Variants in PALLD observed in about 807,000 individuals in gnomAD.
The protein encoded by PALLD is palladin.
Under a neutral mutation model 123.5 loss-of-function variants are expected in PALLD, and 61 were observed. The ratio of observed to expected loss-of-function variants is 0.49; its 90% CI spans 0.40 to 0.61. The LOEUF (loss-of-function observed/expected upper bound fraction) is 0.61. PALLD is among the 20% of genes least tolerant of loss of function. PALLD has a pLI of 0.00. For synonymous variants in PALLD, 465 were observed against 496.4 expected (o/e 0.94, Z 0.84); for missense variants, 1,273 against 1,377.0 (o/e 0.92, Z 1.20).
intron 3 of PALLD, among the ~76,000 whole-genome samples, chr4:168,678,683 GC>G (rs1025589526): frequency 2.6e-5 from 4 of 151,978 alleles, no homozygotes; most frequent in Admixed American, 1.3e-4. Flanking sequence ...CACAGCCCGT[GC>G]CCCTCCCCTG....
At chr4:168,517,644 G>T (rs1763114497) in intron 2 of PALLD, among the ~76,000 whole-genome samples, 1 of 152,116 alleles carries the variant, frequency 6.6e-6, no homozygotes, top group South Asian at 2.1e-4. Context: ...CTTACTAAGG[G>T]TAAGAAAATA....
At chr4:168,623,918 G>A (rs972860819) in intron 2 of PALLD, among the ~76,000 whole-genome samples, 5 of 152,102 alleles carry the variant, frequency 3.3e-5, no homozygotes, top group African/African-American at 1.2e-4. Flanking sequence ...TGATAAATAA[G>A]TCAACATATC....
chr4:168,578,541 G>C (rs1769888222), intron 2 of PALLD, among the ~76,000 whole-genome samples: 2 of 152,044 alleles, frequency 1.3e-5, no homozygotes, highest in South Asian at 4.1e-4. Context: ...TTCCCCAGCT[G>C]TGCTGAATGT....
intron 10 of PALLD, among the ~76,000 whole-genome samples, chr4:168,747,519 A>T (rs1242738539): frequency 6.6e-6 from 1 of 152,250 alleles, no homozygotes; most frequent in Admixed American, 6.5e-5. Flanking sequence ...TATGACAATG[A>T]GACAGTATGT....
intron 2 of PALLD, among the ~76,000 whole-genome samples, chr4:168,556,383 C>T (rs1767309602): frequency 6.6e-6 from 1 of 152,128 alleles, no homozygotes; most frequent in Non-Finnish European, 1.5e-5. Flanking sequence ...GTGTAAGCCA[C>T]GGCGCCCGGC....
At chr4:168,549,568 T>C (rs910936836) in intron 2 of PALLD, among the ~76,000 whole-genome samples, 9 of 152,230 alleles carry the variant, frequency 5.9e-5, no homozygotes, top group African/African-American at 2.2e-4. Context: ...TTGACATTTT[T>C]AACCCAGTAC....
intron 2 of PALLD, among the ~76,000 whole-genome samples, chr4:168,557,352 T>C (rs1307984263): frequency 6.6e-6 from 1 of 152,160 alleles, no homozygotes; most frequent in Non-Finnish European, 1.5e-5. Context: ...CCTCCACTTG[T>C]TCGTTCAATA....
chr4:168,786,154 C>T (rs773877311), intron 10 of PALLD, among the ~76,000 whole-genome samples: 3 of 151,370 alleles, frequency 2.0e-5, no homozygotes, highest in Non-Finnish European at 4.4e-5. Context: ...ATGGTGAAAC[C>T]CCGTCTCTAC....
intron 10 of PALLD, among the ~76,000 whole-genome samples, chr4:168,804,776 A>G (rs6834508): frequency 0.92 from 140,493 of 152,298 alleles, 64,931 homozygotes; most frequent in African/African-American, 0.98. Context: ...TCTTTTCACC[A>G]CAAGAGTTAT....
At position 168,527,422 on chromosome 4, in the gene PALLD, C is replaced by CAAAAAAAAAAAAAAAAAAAAAAA. The variant is rs35555541; in HGVS notation, c.908+15032_908+15033insAAAAAAAAAAAAAAAAAAAAAAA. On this transcript the variant is annotated intron_variant, in intron 2 of 21. Coordinates refer to ENST00000505667, the MANE Select transcript of PALLD (RefSeq NM_001166108.2). ...GGGCAACAGGAGTGAAACTCCATCT[C>CAAAAAAAAAAAAAAAAAAAAAAA]AAAAAAAAAAAAAAAAAAAAAAGTC... Among the ~76,000 whole-genome samples, 38 of 52,908 alleles carry CAAAAAAAAAAAAAAAAAAAAAAA rather than the reference C, an allele frequency of 7.2e-4. 3 individuals are homozygous for CAAAAAAAAAAAAAAAAAAAAAAA. Among genetic ancestry groups the CAAAAAAAAAAAAAAAAAAAAAAA allele is most frequent in the African/African-American group, 1.0e-3 (9 of 8,858 alleles). 34.7% of individuals were successfully genotyped at this position (52,908 alleles called of 152,430 possible). A position where few individuals can be genotyped will look rare whatever the true frequency, so the allele number is the denominator to read the frequency against.
chr4:168,845,738 A>C (rs1330129078), intron 10 of PALLD, among the ~76,000 whole-genome samples: 4 of 152,220 alleles, frequency 2.6e-5, no homozygotes, highest in African/African-American at 9.7e-5. Flanking sequence ...AACCTCTTGT[A>C]AAAAGGAAGA....
rs538303512 is a variant in PALLD at position 168,638,886 on chromosome 4, C to T, written c.909-29304C>T. 1.1e-4 allele frequency among the ~76,000 whole-genome samples: 16 copies of T among 152,202 alleles called. No individual in the cohort carries two copies. In the East Asian group the frequency reaches 1.5e-3, roughly 15 times the overall value. On this transcript the variant is annotated intron_variant, in intron 2 of 21. Coordinates refer to ENST00000505667, the MANE Select transcript of PALLD (RefSeq NM_001166108.2). Reference sequence around the variant, plus strand: ...CAGCTTACCCCGATTCACACTCCACCGTCTCCTCTCTTTTTCCTGTCCTTA... The same window carrying T: ...CAGCTTACCCCGATTCACACTCCACTGTCTCCTCTCTTTTTCCTGTCCTTA...
intron 10 of PALLD, among the ~76,000 whole-genome samples, chr4:168,790,858 G>T (rs1369578631): frequency 6.6e-6 from 1 of 152,110 alleles, no homozygotes. Context: ...TTTTGAGATT[G>T]ATTTAAAATT....
chr4:168,553,841 C>A (rs1233587937), intron 2 of PALLD, among the ~76,000 whole-genome samples: 1 of 152,110 alleles, frequency 6.6e-6, no homozygotes, highest in Non-Finnish European at 1.5e-5. Context: ...TTTCTCCTCT[C>A]CCTCCTACTA....
intron 10 of PALLD, among the ~76,000 whole-genome samples, chr4:168,864,779 ATAAAG>A (rs1467793076): frequency 2.0e-5 from 3 of 152,222 alleles, no homozygotes; most frequent in African/African-American, 4.8e-5. Flanking sequence ...ACACTATACT[ATAAAG>A]TATTCTTCTT....
chr4:168,735,060 T>A (rs1348359723), intron 10 of PALLD, among the ~76,000 whole-genome samples: 1 of 152,206 alleles, frequency 6.6e-6, no homozygotes, highest in African/African-American at 2.4e-5. Flanking sequence ...GGCTGAGTCA[T>A]TCTCATGAAT....
chr4:168,664,783 A>C (rs1008368523), intron 2 of PALLD, among the ~76,000 whole-genome samples: 4 of 151,974 alleles, frequency 2.6e-5, no homozygotes, highest in Non-Finnish European at 4.4e-5. Context: ...AAAAAAAAAA[A>C]AAAACCCTGC....
chr4:168,795,264 A>G (rs1024489368), intron 10 of PALLD, among the ~76,000 whole-genome samples: 6 of 152,210 alleles, frequency 3.9e-5, no homozygotes, highest in African/African-American at 7.2e-5. Context: ...GAAAAGTACA[A>G]TTCCTGTCAG....
chr4:168,883,231 C>T (rs1347142352), intron 10 of PALLD, among the ~76,000 whole-genome samples: 1 of 151,926 alleles, frequency 6.6e-6, no homozygotes, highest in Non-Finnish European at 1.5e-5. Flanking sequence ...ATTTTTTGTA[C>T]TTTAACAGCC....
Sources: allele counts gnomAD v4.1 joint callset (sites outside exome capture counted in the v4.1 genomes callset), GRCh38; gene constraint gnomAD v4.1.1; transcripts MANE v1.5; gene names NCBI Gene and HGNC (gene_info 2026-07-23, HGNC 2026-07-21).